The following PCDHA1 variants were observed in gnomAD, a reference collection of about 807,000 sequenced individuals.
PCDHA1 encodes protocadherin alpha-1.
Under a neutral mutation model 61.3 loss-of-function variants are expected in PCDHA1, and 42 were observed. The ratio of observed to expected loss-of-function variants is 0.69; its 90% CI spans 0.54 to 0.89. The LOEUF is 0.89. Among genes scored for constraint, PCDHA1 ranks in the 40% least tolerant of loss-of-function variants. The probability of loss-of-function intolerance (pLI) is 0.00; values close to 1 mark genes in which losing one functional copy is unlikely to be tolerated. For missense variants in PCDHA1, 1,256 were observed against 1,235.3 expected (o/e 1.02, Z -0.25); for synonymous variants, 610 against 553.8 (o/e 1.10, Z -1.43).
At chr5:140,824,021 A>C (rs1767971834) in intron 1 of PCDHA1, 11 of 1,613,948 alleles carry the variant, frequency 6.8e-6, no homozygotes, top group Non-Finnish European at 9.3e-6. Context: ...AGCTGGTCGT[A>C]CTCGCAGCAG....
chr5:140,796,588 G>A (rs782611214), intron 1 of PCDHA1: 1 of 1,612,780 alleles, frequency 6.2e-7, no homozygotes, highest in East Asian at 2.2e-5. Flanking sequence ...GGATGCGGGC[G>A]TGCCGCCTCT....
At chr5:140,947,252 T>A (rs1554218120) in intron 1 of PCDHA1, among the ~76,000 whole-genome samples, 1 of 151,596 alleles carries the variant, frequency 6.6e-6, no homozygotes, top group Non-Finnish European at 1.5e-5. Flanking sequence ...GATAATCCAA[T>A]GTACCATTTG....
intron 1 of PCDHA1, chr5:140,929,578 TA>T: frequency 2.2e-6 from 1 of 445,404 alleles, no homozygotes; most frequent in Non-Finnish European, 4.0e-6. Flanking sequence ...ATAAAAGTAA[TA>T]TGACATAAAG....
At chr5:140,925,787 C>T (rs972978659) in intron 1 of PCDHA1, among the ~76,000 whole-genome samples, 2 of 152,040 alleles carry the variant, frequency 1.3e-5, no homozygotes, top group Admixed American at 6.6e-5. Context: ...TAATGAGTAT[C>T]TCAGTACTTT....
chr5:140,852,967 C>T (rs1446312366), intron 1 of PCDHA1: 3 of 408,074 alleles, frequency 7.4e-6, no homozygotes, highest in South Asian at 2.0e-4. Flanking sequence ...CAAGCTCCCC[C>T]TCCCGTGTTC....
chr5:140,823,389 C>G (rs199642773), intron 1 of PCDHA1: 2 of 1,612,876 alleles, frequency 1.2e-6, no homozygotes, highest in Non-Finnish European at 1.7e-6. Context: ...GCGCGCGCGA[C>G]GCGGGCGTGC....
At chr5:140,982,585 A>G (rs782780327) in intron 3 of PCDHA1, 22 bp downstream of exon 3, 1 of 1,611,974 alleles carries the variant, frequency 6.2e-7, no homozygotes, top group Non-Finnish European at 8.5e-7. Context: ...GGGTCTCTCC[A>G]TTCTTTCTTG....
At chr5:140,924,944 T>TA (rs11334471) in intron 1 of PCDHA1, among the ~76,000 whole-genome samples, 37 of 142,946 alleles carry the variant, frequency 2.6e-4, no homozygotes, top group Non-Finnish European at 4.2e-4. Context: ...AATAAAAAGT[T>TA]AAAAAAAAAA....
rs139625618 is a variant in PCDHA1 at position 141,008,025 on chromosome 5, T to C, written c.2543-1602T>C. 1.8e-3 allele frequency among the ~76,000 whole-genome samples: 273 copies of C among 152,354 alleles called. 1 individual carries two copies. Among genetic ancestry groups the C allele is most frequent in the Middle Eastern group, 6.8e-3 (2 of 294 alleles). Reference sequence around the variant, plus strand: ...TAAACTTCTGTTTCCTTTTTTTTCTTGTTAATCTGCCTTTTGTAACAGGGG... The same window carrying C: ...TAAACTTCTGTTTCCTTTTTTTTCTCGTTAATCTGCCTTTTGTAACAGGGG... On this transcript the variant is annotated intron_variant, in intron 3 of 3. Transcript: ENST00000504120.
chr5:140,927,896 A>G (rs571131956), intron 1 of PCDHA1: 1 of 1,614,200 alleles, frequency 6.2e-7, no homozygotes, highest in African/African-American at 1.3e-5. Context: ...GACGTGAACG[A>G]TCATGCCCCC....
chr5:140,871,193 T>G (rs782048235), intron 1 of PCDHA1: 2 of 1,613,630 alleles, frequency 1.2e-6, no homozygotes, highest in African/African-American at 1.3e-5. Flanking sequence ...GATGTCAACG[T>G]GTACCTGATC....
intron 1 of PCDHA1, among the ~76,000 whole-genome samples, chr5:140,886,071 A>G (rs985861864): frequency 3.9e-5 from 6 of 152,338 alleles, no homozygotes; most frequent in South Asian, 2.1e-4. Context: ...GCGTAGGGCC[A>G]TACCACAACC....
chr5:140,809,641 T>C, intron 1 of PCDHA1: 1 of 1,502,504 alleles, frequency 6.7e-7, no homozygotes, highest in Non-Finnish European at 8.9e-7. Flanking sequence ...CGTAAATTTA[T>C]TTCTAAGAGT....
intron 1 of PCDHA1, among the ~76,000 whole-genome samples, chr5:140,827,789 G>T (rs1378424997): frequency 1.3e-5 from 2 of 152,206 alleles, no homozygotes; most frequent in Non-Finnish European, 2.9e-5. Context: ...AACACTGACC[G>T]TGCAAATTAC....
chr5:140,808,938 C>T (rs782653809), intron 1 of PCDHA1: 4 of 1,613,692 alleles, frequency 2.5e-6, no homozygotes, highest in African/African-American at 1.3e-5. Flanking sequence ...GTGCCATGGT[C>T]GGTGGGTGTG....
chr5:140,854,041 AG>A (rs2042955652), intron 1 of PCDHA1: 1 of 283,480 alleles, frequency 3.5e-6, no homozygotes, highest in Non-Finnish European at 5.5e-6. Flanking sequence ...ACACATCTCT[AG>A]TCCCAATTAC....
chr5:140,793,477 T>C (rs1761780857), intron 1 of PCDHA1, among the ~76,000 whole-genome samples: 1 of 152,180 alleles, frequency 6.6e-6, no homozygotes, highest in African/African-American at 2.4e-5. Flanking sequence ...GGAAAAAAAT[T>C]GTTATTGGAA....
intron 1 of PCDHA1, chr5:140,835,550 G>A (rs2150238001): frequency 6.2e-7 from 1 of 1,613,928 alleles, no homozygotes; most frequent in South Asian, 1.1e-5. Context: ...CCTGCTCCCT[G>A]ACGCCCCGCG....
chr5:140,802,795 T>G, intron 1 of PCDHA1: 3 of 1,613,422 alleles, frequency 1.9e-6, no homozygotes, highest in Middle Eastern at 1.7e-4. Context: ...CTGCTGCAGT[T>G]CCAGGTGAGT....
Sources: gnomAD v4.1 joint callset for allele counts (sites outside exome capture counted in the v4.1 genomes callset) on GRCh38, gnomAD v4.1.1 for gene constraint, MANE v1.5 for transcripts, NCBI Gene and HGNC (gene_info 2026-07-23, HGNC 2026-07-21) for gene names.